LRRC61: variants seen among roughly 807,000 people sequenced by gnomAD.
LRRC61 encodes leucine-rich repeat-containing protein 61.
LRRC61 carries 9 observed loss-of-function variants against 15.1 expected under a neutral mutation model. The ratio of observed to expected loss-of-function variants is 0.60; its 90% CI spans 0.36 to 1.04. LRRC61 has a LOEUF of 1.04. Among genes scored for constraint, LRRC61 ranks in the 50% least tolerant of loss-of-function variants. LRRC61 has a pLI of 0.01. For synonymous variants in LRRC61, 173 were observed against 158.6 expected, an observed-to-expected ratio of 1.09 and a Z score of -0.68; for missense variants, 344 against 335.6, an observed-to-expected ratio of 1.03 and a Z score of -0.20.
intron 2 of LRRC61, chr7:150,332,674 C>T (rs554705923): frequency 3.6e-5 from 6 of 167,148 alleles, no homozygotes; most frequent in Admixed American, 1.3e-4. Flanking sequence ...TTTTCATTTT[C>T]GCAGTATAAT....
intron 2 of LRRC61, chr7:150,334,105 A>G (rs1798203596): frequency 3.0e-5 from 30 of 985,208 alleles, no homozygotes; most frequent in Non-Finnish European, 3.6e-5. Context: ...GAGCATGCAC[A>G]GTTGCCTGCC....
intron 2 of LRRC61, among the ~76,000 whole-genome samples, chr7:150,334,963 G>A (rs1008688226): frequency 4.6e-5 from 7 of 151,712 alleles, no homozygotes; most frequent in East Asian, 1.9e-4. Context: ...CGGAGGTTGC[G>A]GTGAGCCGAG....
At chr7:150,316,633 G>A in the LRRC61 span, among the ~76,000 whole-genome samples, 600 of 152,002 alleles carry the variant, frequency 3.9e-3, 6 homozygotes, top group African/African-American at 0.014. Context: ...CTACAGATGC[G>A]TGCCATCACG....
chr7:150,334,816 T>C (rs1473864411), intron 2 of LRRC61, among the ~76,000 whole-genome samples: 1 of 152,114 alleles, frequency 6.6e-6, no homozygotes, highest in African/African-American at 2.4e-5. Context: ...GTCAGGAGTT[T>C]GAGACCAGCC....
intron 2 of LRRC61, among the ~76,000 whole-genome samples, chr7:150,328,297 A>T (rs1585042083): frequency 6.6e-6 from 1 of 152,236 alleles, no homozygotes; most frequent in Non-Finnish European, 1.5e-5. Context: ...CCCCAAACTC[A>T]TGTTTTACAT....
chr7:150,322,388 C>T (rs938635871), upstream of LRRC61, among the ~76,000 whole-genome samples: 5 of 152,248 alleles, frequency 3.3e-5, no homozygotes, highest in South Asian at 2.1e-4. Flanking sequence ...GCTGGCTAAA[C>T]GCCACCAAAA....
At chr7:150,328,252 G>A (rs1013218089) in intron 2 of LRRC61, among the ~76,000 whole-genome samples, 2 of 152,182 alleles carry the variant, frequency 1.3e-5, no homozygotes, top group African/African-American at 4.8e-5. Flanking sequence ...CACAAAGAAA[G>A]GATAGTTCAA....
At position 150,337,105 on chromosome 7, in the gene LRRC61, G is replaced by A; in HGVS notation, c.244G>A (p.Val82Ile). 3.1e-6 allele frequency: 5 copies of A among 1,612,586 alleles called. No individual in the cohort carries two copies. The highest frequency in any genetic ancestry group is 3.3e-4 in the Middle Eastern group (2 of 6,060). ...ASLRQLAVLNVSNNRLTGLEP... is the reference protein window; with the variant it reads ...ASLRQLAVLNISNNRLTGLEP... ...CTTGCGCCAGCTAGCTGTGCTCAAT[G>A]TCTCCAACAATCGGCTGACGGGCCT... Residue 82 changes from valine to isoleucine, a missense_variant, in exon 3 of 3, where the codon GTC becomes ATC. Transcript: ENST00000359623.
the LRRC61 span, among the ~76,000 whole-genome samples, chr7:150,316,439 A>G: frequency 1.4e-5 from 2 of 148,046 alleles, no homozygotes; most frequent in African/African-American, 4.9e-5. Context: ...GAATTTTTCT[A>G]GCTATTCTTG....
rs1798269875 is a variant in LRRC61, at chr7:150,335,850, GC to G, written c.-144-864del. Among the ~76,000 whole-genome samples, 2 of 152,226 alleles carry G rather than the reference GC, an allele frequency of 1.3e-5. No individual in the cohort carries two copies. Among genetic ancestry groups the G allele is most frequent in the Admixed American group, 1.3e-4 (2 of 15,286 alleles). The stretch of plus-strand genomic sequence containing the variant: ...GCACCTGGACTCACCTGGTCCTGCA[GC>G]CCCTGGCAATTTGATGTGCCCCTCC... On this transcript the variant is annotated intron_variant, in intron 2 of 2. Transcript: ENST00000359623. This position sits in a 1 kb window ranked among gnomAD's most constrained non-coding sequence, Gnocchi z 4.3.
At chr7:150,316,763 C>T in the LRRC61 span, among the ~76,000 whole-genome samples, 5 of 152,260 alleles carry the variant, frequency 3.3e-5, no homozygotes, top group East Asian at 3.9e-4. Context: ...GGATTACAGG[C>T]ATGAGCCACC....
upstream of LRRC61, among the ~76,000 whole-genome samples, chr7:150,321,019 C>A (rs1019577068): frequency 3.3e-5 from 5 of 152,174 alleles, no homozygotes; most frequent in Admixed American, 2.6e-4. Context: ...TTTGACTAGG[C>A]CCTGACCCTG....
upstream of LRRC61, among the ~76,000 whole-genome samples, chr7:150,318,630 T>C (rs553736016): frequency 1.3e-5 from 2 of 152,180 alleles, no homozygotes; most frequent in African/African-American, 2.4e-5. Flanking sequence ...GGCGTGGTGG[T>C]GCAGAGCTGT....
chr7:150,332,476 C>T (rs1798141219), intron 2 of LRRC61: 1 of 167,192 alleles, frequency 6.0e-6, no homozygotes. Context: ...TCCCTTGCCT[C>T]TCCTGGATGG....
chr7:150,311,619 T>C, the LRRC61 span, among the ~76,000 whole-genome samples: 15 of 152,330 alleles, frequency 9.8e-5, 1 homozygote, highest in Admixed American at 9.1e-4. Flanking sequence ...GCCACATGAC[T>C]GTATCTCCCT....
rs267601405 is a variant in LRRC61, at chr7:150,336,871, C to G, written c.10C>G (p.Pro4Ala). 1.9e-6 allele frequency: 3 copies of G among 1,611,814 alleles called. No individual in the cohort carries two copies. The African/African-American group carries it at 4.0e-5, about 21-fold the overall frequency. The change falls in exon 3 of 3, where the codon CCA (proline) becomes GCA (alanine). Residue 4 changes from proline (P) to alanine (A), a missense_variant. By Grantham distance (27) the Pro-to-Ala change is conservative. Coordinates refer to ENST00000359623, the MANE Select transcript of LRRC61 (RefSeq NM_001142928.2). Reference sequence around the variant, plus strand: ...AACCGACTTCCATCTCATGGACCCTCCAGCGGAGAAGCCGGGAGAGGCTGG... The same window carrying G: ...AACCGACTTCCATCTCATGGACCCTGCAGCGGAGAAGCCGGGAGAGGCTGG... MDPPAEKPGEAGGL... is the reference protein window; with the variant it reads MDPAAEKPGEAGGL...
chr7:150,334,256 A>C (rs991631563), intron 2 of LRRC61, among the ~76,000 whole-genome samples: 1 of 152,036 alleles, frequency 6.6e-6, no homozygotes, highest in East Asian at 1.9e-4. Context: ...CTGCTCATCC[A>C]GTGGCTGTGT....
chr7:150,334,422 T>G lies in LRRC61; in HGVS notation c.-144-2296T>G, dbSNP rs180721895. Among the ~76,000 whole-genome samples the G allele has an allele frequency of 7.7e-4, 107 of 139,600 alleles. 1 individual carries two copies. Among genetic ancestry groups the G allele is most frequent in the African/African-American group, 2.7e-3 (102 of 37,100 alleles). The allele number at this position is 139,600 out of a possible 152,430, so 91.6% of individuals were successfully genotyped here. A position where few individuals can be genotyped will look rare whatever the true frequency, so the allele number is the denominator to read the frequency against. On this transcript the variant is annotated intron_variant, in intron 2 of 2. Transcript: ENST00000359623. The stretch of plus-strand genomic sequence containing the variant: ...GTAGGTCAGCCTCCACCTCTGCTGC[T>G]CGTGCATAGGACATCTTCCACATTC...
upstream of LRRC61, among the ~76,000 whole-genome samples, chr7:150,320,763 CAAAACA>C (rs988902362): frequency 1.3e-5 from 2 of 152,036 alleles, no homozygotes; most frequent in South Asian, 2.1e-4. Flanking sequence ...ACTCCATCTC[CAAAACA>C]AAAACAAAAA....
Sources: gnomAD v4.1 joint callset for allele counts (sites outside exome capture counted in the v4.1 genomes callset) on GRCh38, gnomAD v4.1.1 for gene constraint, Gnocchi (gnomAD v3.1) non-coding constraint, MANE v1.5 for transcripts, NCBI Gene and HGNC (gene_info 2026-07-23, HGNC 2026-07-21) for gene names.